The following RAD51B variants were observed in gnomAD, a reference collection of about 807,000 sequenced individuals.
RAD51B encodes the protein RAD51 paralog B.
Under a neutral mutation model 42.2 loss-of-function variants are expected in RAD51B, and 38 were observed. That is an observed-to-expected ratio of 0.90 (90% CI 0.70 to 1.18). RAD51B has a LOEUF of 1.18. Among genes scored for constraint, RAD51B ranks in the 50% most tolerant of loss-of-function variants. The probability of loss-of-function intolerance (pLI) is 0.00; values close to 1 mark genes in which losing one functional copy is unlikely to be tolerated. For missense variants in RAD51B, 373 were observed against 400.7 expected (o/e 0.93, Z 0.59); for synonymous variants, 154 against 145.2 (o/e 1.06, Z -0.43).
intron 8 of RAD51B, among the ~76,000 whole-genome samples, chr14:68,398,959 T>C: frequency 6.6e-6 from 1 of 152,216 alleles, no homozygotes; most frequent in East Asian, 1.9e-4. Context: ...ATATGGACTC[T>C]TGGGCATCAC....
intron 10 of RAD51B, among the ~76,000 whole-genome samples, chr14:68,644,747 G>A (rs986801487): frequency 6.6e-6 from 1 of 151,472 alleles, no homozygotes; most frequent in Non-Finnish European, 1.5e-5. Context: ...CTGGTTTGTC[G>A]TTTGCTTTTT....
chr14:68,569,203 G>A (rs377334573), intron 10 of RAD51B, among the ~76,000 whole-genome samples: 10 of 152,182 alleles, frequency 6.6e-5, no homozygotes, highest in African/African-American at 1.9e-4. Flanking sequence ...AGATCTCCCC[G>A]GAGGAATGGG....
chr14:68,533,010 C>A (rs1341701357), intron 10 of RAD51B, among the ~76,000 whole-genome samples: 1 of 152,030 alleles, frequency 6.6e-6, no homozygotes, highest in Non-Finnish European at 1.5e-5. Context: ...AAAGATGATA[C>A]CTACTATCAC....
At chr14:68,650,301 AC>A (rs549567841) in intron 10 of RAD51B, among the ~76,000 whole-genome samples, 303 of 152,306 alleles carry the variant, frequency 2.0e-3, no homozygotes, top group African/African-American at 6.9e-3. Flanking sequence ...CCTTAATCCT[AC>A]ATGTGACTCT....
At chr14:68,656,562 GCAGAGCAGCTCCGGGACTCCCACA>G (rs1468754006) in intron 11 of RAD51B, among the ~76,000 whole-genome samples, 2 of 152,078 alleles carry the variant, frequency 1.3e-5, no homozygotes, top group Non-Finnish European at 2.9e-5. Context: ...TGTGAGGGGT[GCAGAGCAGCTCCGGGACTCCCACA>G]CAGAGCCCCT....
At chr14:68,136,575 CAAAAA>C (rs1204817902) in intron 7 of RAD51B, among the ~76,000 whole-genome samples, 1 of 4,450 alleles carries the variant, frequency 2.2e-4, no homozygotes, top group African/African-American at 3.5e-4. Context: ...GACTCCATCT[CAAAAA>C]AAAAAAAAAA....
intron 9 of RAD51B, among the ~76,000 whole-genome samples, chr14:68,457,083 T>C (rs1317476450): frequency 1.3e-5 from 2 of 151,552 alleles, no homozygotes; most frequent in African/African-American, 4.9e-5. Context: ...CAACTAATTT[T>C]TGTATGTTTA....
At chr14:68,098,811 A>G (rs1372816229) in intron 7 of RAD51B, among the ~76,000 whole-genome samples, 2 of 152,226 alleles carry the variant, frequency 1.3e-5, no homozygotes, top group Admixed American at 6.5e-5. Context: ...ATTCTAGAGC[A>G]TATGCTCAAG....
chr14:67,914,748 A>G (rs1042063070), intron 7 of RAD51B, among the ~76,000 whole-genome samples: 3 of 152,120 alleles, frequency 2.0e-5, no homozygotes, highest in Non-Finnish European at 2.9e-5. Context: ...TTTATTTGTA[A>G]CACCCAAATT....
At chr14:68,054,619 T>C (rs1204881320) in intron 7 of RAD51B, among the ~76,000 whole-genome samples, 1 of 152,200 alleles carries the variant, frequency 6.6e-6, no homozygotes, top group African/African-American at 2.4e-5. Flanking sequence ...AACTTCAGAA[T>C]TGCTAACCCA....
At chr14:68,607,327 C>T (rs1007629915) in intron 10 of RAD51B, among the ~76,000 whole-genome samples, 14 of 152,178 alleles carry the variant, frequency 9.2e-5, no homozygotes, top group Non-Finnish European at 1.5e-5. Context: ...CTTCTTGTCC[C>T]AATCCTGAGA....
chr14:67,820,180 G>C (rs140404435), intron 1 of RAD51B, among the ~76,000 whole-genome samples: 2 of 152,278 alleles, frequency 1.3e-5, no homozygotes, highest in East Asian at 1.9e-4. Context: ...CTGTCATTAG[G>C]GGAAGTTGAG....
intron 4 of RAD51B, among the ~76,000 whole-genome samples, chr14:67,838,919 C>CT (rs1566916939): frequency 6.6e-6 from 1 of 151,346 alleles, no homozygotes; most frequent in South Asian, 2.1e-4. Flanking sequence ...TTATCAAAAA[C>CT]TTTTTTTTCT....
downstream of RAD51B, among the ~76,000 whole-genome samples, chr14:68,482,892 A>G (rs1883311613): frequency 6.6e-6 from 1 of 152,232 alleles, no homozygotes; most frequent in Admixed American, 6.5e-5. Context: ...CCTATCAAAC[A>G]GTCCCCCCAA....
At chr14:67,958,090 C>T (rs2074587342) in intron 7 of RAD51B, among the ~76,000 whole-genome samples, 1 of 152,204 alleles carries the variant, frequency 6.6e-6, no homozygotes. Context: ...TGGCAGCCGT[C>T]ACGTCTCTGG....
intron 10 of RAD51B, among the ~76,000 whole-genome samples, chr14:68,505,721 T>C (rs1885266176): frequency 6.6e-6 from 1 of 151,898 alleles, no homozygotes; most frequent in African/African-American, 2.4e-5. Context: ...TGGCCAACTT[T>C]TTTGTATTTT....
At chr14:68,397,146 T>C (rs1006854192) in intron 8 of RAD51B, among the ~76,000 whole-genome samples, 2 of 152,258 alleles carry the variant, frequency 1.3e-5, no homozygotes, top group Non-Finnish European at 2.9e-5. Flanking sequence ...TAATGTCTTA[T>C]ATCAACTGAC....
chr14:67,894,924 AC>A (rs1452256639), intron 7 of RAD51B, among the ~76,000 whole-genome samples: 3 of 152,070 alleles, frequency 2.0e-5, no homozygotes, highest in Non-Finnish European at 4.4e-5. Flanking sequence ...AGAGGCATGT[AC>A]CACCATGCCT....
At chr14:68,426,726 G>A (rs934734335) in intron 9 of RAD51B, among the ~76,000 whole-genome samples, 11 of 152,318 alleles carry the variant, frequency 7.2e-5, no homozygotes, top group Middle Eastern at 3.4e-3. Flanking sequence ...GAGGAAATGT[G>A]TGGCTAAGCA....
Sources: gnomAD v4.1 joint callset for allele counts (sites outside exome capture counted in the v4.1 genomes callset) on GRCh38, gnomAD v4.1.1 for gene constraint, MANE v1.5 for transcripts, NCBI Gene and HGNC (gene_info 2026-07-23, HGNC 2026-07-21) for gene names.